Variants in MACF1 observed in about 807,000 individuals in gnomAD.
MACF1 encodes microtubule actin crosslinking factor 1.
Under a neutral mutation model 854.8 loss-of-function variants are expected in MACF1, and 193 were observed. That is an observed-to-expected ratio of 0.23 (90% CI 0.20 to 0.25). The LOEUF is 0.25. Among genes scored for constraint, MACF1 ranks in the 10% least tolerant of loss-of-function variants. The pLI is 1.00. For missense variants in MACF1, 7,722 were observed against 8,929.1 expected, an observed-to-expected ratio of 0.86 and a Z score of 5.45; for synonymous variants, 3,185 against 3,226.7, an observed-to-expected ratio of 0.99 and a Z score of 0.44.
chr1:39,371,221 AG>A (rs1649201804), intron 51 of MACF1, among the ~76,000 whole-genome samples: 1 of 149,526 alleles, frequency 6.7e-6, no homozygotes, highest in Admixed American at 6.8e-5. Flanking sequence ...CAAGAGGGTG[AG>A]GCAGAGAATT....
chr1:39,481,972 C>G (rs1038717713), intron 99 of MACF1, among the ~76,000 whole-genome samples: 2 of 152,210 alleles, frequency 1.3e-5, no homozygotes, highest in East Asian at 1.9e-4. Context: ...CACTAAACTA[C>G]TAGACTCACC....
At chr1:39,190,633 T>C (rs1644244656) in intron 2 of MACF1, among the ~76,000 whole-genome samples, 1 of 151,900 alleles carries the variant, frequency 6.6e-6, no homozygotes. Context: ...GCCACCGCCT[T>C]GTGCTGTCTC....
chr1:39,357,553 A>G lies in MACF1; in HGVS notation c.11603A>G (p.Glu3868Gly), dbSNP rs1647700085. 1.2e-6 allele frequency: 2 copies of G among 1,614,090 alleles called. No individual in the cohort carries two copies. The highest frequency in any genetic ancestry group is 2.2e-5 in the South Asian group (2 of 91,094). Residue 3868 changes from glutamate to glycine, a missense_variant, in exon 45 of 101, where the codon GAA (glutamate) becomes GGA (glycine). Glu to Gly is a moderately conservative substitution (Grantham distance 98). Coordinates refer to ENST00000564288, the MANE Select transcript of MACF1 (RefSeq NM_001394062.1). ...ACTTCCCTGGCCCAATCAGAGGCAG[A>G]ACTGAAGCAGGTGCAGACACTTCAG... The part of the protein sequence containing the change: ...YSTSLAQSEA[E>G]LKQVQTLQDE...
intron 78 of MACF1, among the ~76,000 whole-genome samples, chr1:39,443,126 A>G (rs182495075): frequency 1.3e-5 from 2 of 152,166 alleles, no homozygotes; most frequent in Non-Finnish European, 2.9e-5. Flanking sequence ...TTCACATTCA[A>G]AGTTAGCAGA....
chr1:39,214,188 C>T (rs113304910), intron 1 of MACF1, among the ~76,000 whole-genome samples: 23 of 152,254 alleles, frequency 1.5e-4, no homozygotes, highest in African/African-American at 4.6e-4. Context: ...TGATTAGGCC[C>T]TTATCTGCAG....
chr1:39,384,933 C>T lies in MACF1; in HGVS notation c.13849-501C>T, dbSNP rs80079843. Among the ~76,000 whole-genome samples the T allele has an allele frequency of 6.7e-3, 1,025 of 152,336 alleles. 12 individuals are homozygous for T. Among genetic ancestry groups the T allele is most frequent in the South Asian group, 9.5e-3 (46 of 4,822 alleles). On this transcript the variant is annotated intron_variant, in intron 56 of 100. Transcript: ENST00000564288. ...AAATAGGAACAATCAGTGATCCTTT[C>T]AAAGTAAGTTTTTATTAAGCAATTG...
At chr1:39,378,316 T>A in intron 52 of MACF1, 145 bp from the exon 53 acceptor site, 2 of 513,292 alleles carry the variant, frequency 3.9e-6, no homozygotes, top group Non-Finnish European at 7.2e-6. Flanking sequence ...AAATAATTTG[T>A]CTCTTTCCAT....
rs146039251 is a variant in MACF1 at position 39,151,660 on chromosome 1, G to A, written c.220+67222G>A. Among the ~76,000 whole-genome samples, 752 of 152,240 alleles carry A rather than the reference G, an allele frequency of 4.9e-3. 9 individuals are homozygous for A. Among genetic ancestry groups the A allele is most frequent in the African/African-American group, 0.017 (706 of 41,538 alleles). Reference sequence around the variant, plus strand: ...CTGTGGCCCTGAGGTCCCAGTTCAAGCATCATCTCCTTTGGAAATCCTTAC... The same window carrying A: ...CTGTGGCCCTGAGGTCCCAGTTCAAACATCATCTCCTTTGGAAATCCTTAC... On this transcript the variant is annotated intron_variant, in intron 2 of 93. Coordinates refer to the MACF1 transcript ENST00000361689.
At chr1:39,382,724 A>C (rs1364754937) in intron 56 of MACF1, among the ~76,000 whole-genome samples, 1 of 151,186 alleles carries the variant, frequency 6.6e-6, no homozygotes, top group Admixed American at 6.6e-5. Flanking sequence ...CCCCTGTGAT[A>C]GTGATCCACA....
chr1:39,434,643 T>G lies in MACF1; in HGVS notation c.17784+11T>G, dbSNP rs1311135136. 6.2e-7 allele frequency: 1 copy of G among 1,610,734 alleles called. No homozygotes were observed. The highest frequency in any genetic ancestry group is 1.3e-5 in the African/African-American group (1 of 74,718). ...CAAGAGGAAATGAGGGTAAGGAGCA[T>G]GCCAAGTTTCATTTTATTGTTCTAA... On this transcript the variant is annotated intron_variant, in intron 69 of 100. Transcript: ENST00000564288.
At chr1:39,358,508 A>G (rs533060514) in intron 45 of MACF1, among the ~76,000 whole-genome samples, 189 bp from the exon 46 acceptor site, 3 of 152,332 alleles carry the variant, frequency 2.0e-5, no homozygotes, top group East Asian at 3.9e-4. Context: ...CAAGGTGAAT[A>G]GTATGGAGCA....
intron 66 of MACF1, 84 bp downstream of exon 66, chr1:39,430,992 CT>C: frequency 8.2e-7 from 1 of 1,222,062 alleles, no homozygotes; most frequent in South Asian, 1.2e-5. Context: ...TAAATACAGA[CT>C]CAGAAATAAG....
intron 93 of MACF1, among the ~76,000 whole-genome samples, chr1:39,462,503 G>A (rs542963800): frequency 4.0e-5 from 6 of 151,296 alleles, no homozygotes; most frequent in African/African-American, 7.3e-5. Context: ...CCAGGAGTTC[G>A]AGACCAGCCT....
intron 58 of MACF1, among the ~76,000 whole-genome samples, chr1:39,406,357 T>A (rs558421405): frequency 6.6e-6 from 1 of 152,230 alleles, no homozygotes; most frequent in East Asian, 1.9e-4. Context: ...AGGGAATTAT[T>A]TAAGAAAAGT....
intron 89 of MACF1, chr1:39,458,153 GA>G: frequency 2.0e-6 from 1 of 509,084 alleles, no homozygotes; most frequent in Non-Finnish European, 3.5e-6. Flanking sequence ...CATCCCGTTA[GA>G]CCCCACCTCC....
intron 2 of MACF1, among the ~76,000 whole-genome samples, chr1:39,162,341 G>C (rs1643817462): frequency 6.6e-6 from 1 of 152,144 alleles, no homozygotes; most frequent in African/African-American, 2.4e-5. Flanking sequence ...AAACAAAAAA[G>C]AAGTATACCC....
At chr1:39,397,286 G>A (rs913707538) in intron 58 of MACF1, among the ~76,000 whole-genome samples, 9 of 152,180 alleles carry the variant, frequency 5.9e-5, no homozygotes, top group African/African-American at 1.9e-4. Context: ...TGACAGCCGG[G>A]TATGGTGGCT....
chr1:39,336,117 T>C lies in MACF1; in HGVS notation c.9529T>C (p.Ser3177Pro). ...TAAAGAAAAGTCATACCAAGAAGTA[T>C]CTTTTGACCCAGCAAGAGGTCTTAA... ...ECKEKSYQEVSFDPARGLKLE... is the reference protein window; with the variant it reads ...ECKEKSYQEVPFDPARGLKLE... The change falls in exon 37 of 101, where the codon TCT (serine) becomes CCT (proline). Residue 3177 changes from serine (S) to proline (P), a missense_variant. Transcript: ENST00000564288. The C allele has an allele frequency of 6.2e-7, 1 of 1,614,060 alleles. No individual in the cohort carries two copies. Among genetic ancestry groups the C allele is most frequent in the Non-Finnish European group, 8.5e-7 (1 of 1,180,018 alleles).
chr1:39,309,709 A>G lies in MACF1; in HGVS notation c.2916+13A>G. ...GAACCTAGAAAAGGTAATTATGAAA[A>G]CCTTACCCCAGGCTTACATTCCATT... On this transcript the variant is annotated intron_variant, in intron 24 of 100. Transcript: ENST00000564288. 6.2e-7 allele frequency: 1 copy of G among 1,605,094 alleles called. No homozygotes were observed. Among genetic ancestry groups the G allele is most frequent in the Non-Finnish European group, 8.5e-7 (1 of 1,177,288 alleles).
Sources: gnomAD v4.1 joint callset for allele counts (sites outside exome capture counted in the v4.1 genomes callset) on GRCh38, gnomAD v4.1.1 for gene constraint, MANE v1.5 for transcripts, NCBI Gene and HGNC (gene_info 2026-07-23, HGNC 2026-07-21) for gene names.